RELN: variants seen among roughly 807,000 people sequenced by gnomAD.
The protein encoded by RELN is reelin.
A neutral mutation model predicts 427.6 loss-of-function variants in RELN; 108 were observed. The ratio of observed to expected loss-of-function variants is 0.25; its 90% confidence interval spans 0.22 to 0.30. RELN has a LOEUF of 0.30. RELN is among the 10% of genes least tolerant of loss of function. The pLI is 1.00. For missense variants in RELN, 3,715 were observed against 4,302.8 expected (o/e 0.86, Z 3.82); for synonymous variants, 1,524 against 1,513.4 (o/e 1.01, Z -0.16).
chr7:103,630,843 A>T (rs199531748), intron 19 of RELN, among the ~76,000 whole-genome samples: 5,161 of 94,126 alleles, frequency 0.055, 127 homozygotes, highest in East Asian at 0.15. Flanking sequence ...GGGCTGAGTT[A>T]TTTTTTTGTT....
intron 2 of RELN, among the ~76,000 whole-genome samples, chr7:103,878,399 T>C (rs1298929706): frequency 6.6e-6 from 1 of 152,210 alleles, no homozygotes; most frequent in African/African-American, 2.4e-5. Flanking sequence ...GGGATATTTA[T>C]CAATTATTGG....
Position 103,640,449 on chromosome 7 carries a change from C to T in RELN, c.2069+94G>A, listed in dbSNP as rs145527. ...CAACTTTTTGTCTTAAAAAGATCCC[C>T]GATCCTAAAAAAGGTTATTAAATGA... On this transcript the variant is annotated intron_variant, in intron 17 of 64. Transcript: ENST00000428762. This position sits in a 1 kb window ranked among gnomAD's most constrained non-coding sequence, Gnocchi z 4.1. 0.29 allele frequency: 364,923 copies of T among 1,253,710 alleles called. 56,734 individuals are homozygous for T. Among genetic ancestry groups the T allele is most frequent in the South Asian group, 0.35 (28,988 of 82,112 alleles). 77.7% of individuals were successfully genotyped at this position (1,253,710 alleles called of 1,614,324 possible).
rs1037867522 is a variant in RELN, at chr7:103,556,797, T to C, written c.5797+180A>G. Among the ~76,000 whole-genome samples, 4 of 152,214 alleles carry C rather than the reference T, an allele frequency of 2.6e-5. No homozygotes were observed. In the East Asian group the frequency reaches 7.7e-4, roughly 29 times the overall value. On this transcript the variant is annotated intron_variant, in intron 38 of 64. Coordinates refer to ENST00000428762, the MANE Select transcript of RELN (RefSeq NM_005045.4). ...ACCTCTTTTTCTTCCCAGTCTGGGT[T>C]TGTCTTTATCAAGAGCACGAAAACG... is the stretch of plus-strand genomic sequence containing the variant.
chr7:103,691,264 C>G (rs1489861971), intron 10 of RELN, among the ~76,000 whole-genome samples: 1 of 152,074 alleles, frequency 6.6e-6, no homozygotes, highest in African/African-American at 2.4e-5. Context: ...ACTATTTGGT[C>G]TTATATCATT....
At chr7:103,783,794 T>C (rs529394776) in intron 3 of RELN, among the ~76,000 whole-genome samples, 6 of 152,284 alleles carry the variant, frequency 3.9e-5, no homozygotes, top group Admixed American at 1.3e-4. Flanking sequence ...ACTCCTGAAA[T>C]GGAGATGGAG....
At chr7:103,846,083 T>G (rs901955127) in intron 2 of RELN, among the ~76,000 whole-genome samples, 3 of 152,164 alleles carry the variant, frequency 2.0e-5, no homozygotes, top group African/African-American at 7.2e-5. Context: ...GAAACTATTT[T>G]AAATTTCATA....
intron 1 of RELN, among the ~76,000 whole-genome samples, chr7:103,923,806 C>G (rs1350625154): frequency 6.6e-6 from 1 of 152,052 alleles, no homozygotes; most frequent in Non-Finnish European, 1.5e-5. Context: ...GATGGCTGAC[C>G]TAGATCATCT....
Position 103,989,045 on chromosome 7 carries a change from G to T in RELN, c.226+86C>A, listed in dbSNP as rs550471782. 43 of 1,215,514 alleles carry T rather than the reference G, an allele frequency of 3.5e-5. No individual in the cohort carries two copies. The South Asian group carries it at 4.5e-4, about 13-fold the overall frequency. 75.3% of individuals were successfully genotyped at this position (1,215,514 alleles called of 1,614,324 possible). A position where few individuals can be genotyped will look rare whatever the true frequency, so the allele number is the denominator to read the frequency against. ...GGTTGTCATGGTTCTTGTTTCCAAG[G>T]CCCCTTGGAAGAAGGAAAGGGATGA... is the stretch of plus-strand genomic sequence containing the variant. On this transcript the variant is annotated intron_variant, in intron 1 of 64. Coordinates refer to ENST00000428762, the MANE Select transcript of RELN (RefSeq NM_005045.4). This position sits in a 1 kb window ranked among gnomAD's most constrained non-coding sequence, Gnocchi z 4.9.
chr7:103,693,374 T>A (rs1217526064), intron 10 of RELN, among the ~76,000 whole-genome samples: 1 of 151,510 alleles, frequency 6.6e-6, no homozygotes, highest in Non-Finnish European at 1.5e-5. Context: ...AGGGAGAGCA[T>A]TAGGACAAAT....
intron 18 of RELN, 33 bp downstream of exon 18, chr7:103,636,201 GT>G: frequency 7.2e-7 from 1 of 1,380,012 alleles, no homozygotes; most frequent in Non-Finnish European, 1.0e-6. Context: ...TTAGTATCTG[GT>G]TTTTGTATGT....
At chr7:103,978,323 T>G (rs1013233997) in intron 1 of RELN, among the ~76,000 whole-genome samples, 1 of 152,220 alleles carries the variant, frequency 6.6e-6, no homozygotes, top group East Asian at 1.9e-4. Flanking sequence ...ATGTGATATT[T>G]GTCTTTCTGT....
chr7:103,598,132 G>T (rs1831581765), intron 24 of RELN, among the ~76,000 whole-genome samples: 1 of 152,128 alleles, frequency 6.6e-6, no homozygotes, highest in African/African-American at 2.4e-5. Flanking sequence ...AATAACTGGG[G>T]TTAATTAAAA....
At position 103,911,614 on chromosome 7, in the gene RELN, A is replaced by T. The variant is rs550517251; in HGVS notation, c.337+5461T>A. 3.3e-3 allele frequency among the ~76,000 whole-genome samples: 495 copies of T among 151,594 alleles called. 5 individuals carry two copies. Among genetic ancestry groups the T allele is most frequent in the Middle Eastern group, 0.027 (8 of 294 alleles). On this transcript the variant is annotated intron_variant, in intron 2 of 64. Transcript: ENST00000428762. Reference sequence around the variant, plus strand: ...GACTTGGAACCAACCCAAAAGTCCAACAGTGATAGACTGGATTAAGAAAAT... The same window carrying T: ...GACTTGGAACCAACCCAAAAGTCCATCAGTGATAGACTGGATTAAGAAAAT...
intron 30 of RELN, 42 bp from the exon 31 acceptor site, chr7:103,572,302 A>G: frequency 9.3e-7 from 1 of 1,075,306 alleles, no homozygotes; most frequent in Non-Finnish European, 1.5e-6. Context: ...ACAAGAGTTC[A>G]GAAGAGCTGT....
intron 8 of RELN, among the ~76,000 whole-genome samples, chr7:103,720,362 G>A (rs1790045375): frequency 6.6e-6 from 1 of 151,938 alleles, no homozygotes; most frequent in Admixed American, 6.6e-5. Flanking sequence ...CAATATGAAA[G>A]TATCAACACA....
Position 103,661,278 on chromosome 7 carries a change from T to G in RELN, c.1441+98A>C. 4.5e-6 allele frequency: 6 copies of G among 1,320,590 alleles called. No homozygotes were observed. In the South Asian group the frequency reaches 7.1e-5, roughly 16 times the overall value. The allele number at this position is 1,320,590 out of a possible 1,614,324, so 81.8% of individuals were successfully genotyped here. A position where few individuals can be genotyped will look rare whatever the true frequency, so the allele number is the denominator to read the frequency against. On this transcript the variant is annotated intron_variant, in intron 12 of 64. Transcript: ENST00000428762. ...AGAGCTCACGTTTCATGAATTTTCA[T>G]TTTACGTAGTTGACAACAAACAATC...
At chr7:103,932,818 T>C (rs1421598584) in intron 1 of RELN, among the ~76,000 whole-genome samples, 1 of 152,198 alleles carries the variant, frequency 6.6e-6, no homozygotes, top group Non-Finnish European at 1.5e-5. Flanking sequence ...GTCAAGGTGA[T>C]GGCAGCTCCT....
chr7:103,913,653 AAT>A (rs1489053319), intron 2 of RELN, among the ~76,000 whole-genome samples: 2 of 151,046 alleles, frequency 1.3e-5, no homozygotes, highest in Non-Finnish European at 2.9e-5. Context: ...ACTTGTAAAG[AAT>A]ATGTTAAACT....
chr7:103,896,693 T>A (rs1215596265), intron 2 of RELN, among the ~76,000 whole-genome samples: 1 of 152,054 alleles, frequency 6.6e-6, no homozygotes, highest in African/African-American at 2.4e-5. Context: ...GTACATTTAT[T>A]AAATCTCACC....
Sources: allele counts gnomAD v4.1 joint callset (sites outside exome capture counted in the v4.1 genomes callset), GRCh38; gene constraint gnomAD v4.1.1; non-coding constraint Gnocchi (gnomAD v3.1); transcripts MANE v1.5; gene names NCBI Gene and HGNC (gene_info 2026-07-23, HGNC 2026-07-21).